Variants in AQP11 observed in about 807,000 individuals in gnomAD.
AQP11 encodes the protein aquaporin-11.
AQP11 carries 20 observed loss-of-function variants against 21.1 expected under a neutral mutation model. That is an observed-to-expected ratio of 0.95 (90% confidence interval 0.67 to 1.38). The LOEUF (loss-of-function observed/expected upper bound fraction) is 1.38, where lower values mean the gene tolerates loss of function less well. Among genes scored for constraint, AQP11 ranks in the 40% most tolerant of loss-of-function variants. AQP11 has a pLI of 0.00. For synonymous variants in AQP11, 167 were observed against 150.1 expected, an observed-to-expected ratio of 1.11 and a Z score of -0.82; for missense variants, 339 against 340.4, an observed-to-expected ratio of 1.00 and a Z score of 0.03.
At chr11:77,598,281 T>G (rs1211291434) in intron 1 of AQP11, among the ~76,000 whole-genome samples, 1 of 152,226 alleles carries the variant, frequency 6.6e-6, no homozygotes, top group Non-Finnish European at 1.5e-5. Flanking sequence ...TTATTCCCTT[T>G]AGGAATATTG....
At chr11:77,603,067 T>G (rs1178304275) in intron 1 of AQP11, among the ~76,000 whole-genome samples, 2 of 152,212 alleles carry the variant, frequency 1.3e-5, no homozygotes, top group Non-Finnish European at 2.9e-5. Flanking sequence ...AGTCCCTTCT[T>G]AAGGGCTCTG....
intron 2 of AQP11, 22 bp downstream of exon 2, chr11:77,603,694 A>G (rs1192501412): frequency 6.0e-6 from 9 of 1,501,892 alleles, no homozygotes; most frequent in Non-Finnish European, 8.2e-6. Flanking sequence ...TTTATTTAAT[A>G]TGTCTGAAAG....
Position 77,606,911 on chromosome 11 carries a change from G to A in AQP11, c.737-2387G>A, listed in dbSNP as rs73500762. On this transcript the variant is annotated intron_variant, in intron 2 of 2. Transcript: ENST00000313578. ...TACTTGGCTGAGATCAAACATTTTC[G>A]AATTCATATGATACTTTTTATATTT... Among the ~76,000 whole-genome samples, 865 of 152,162 alleles carry A rather than the reference G, an allele frequency of 5.7e-3. 9 individuals carry two copies. Among genetic ancestry groups the A allele is most frequent in the African/African-American group, 0.02 (814 of 41,530 alleles).
chr11:77,605,487 T>G (rs1414393264), intron 2 of AQP11, among the ~76,000 whole-genome samples: 1 of 152,126 alleles, frequency 6.6e-6, no homozygotes, highest in African/African-American at 2.4e-5. Context: ...GCAATCAAGC[T>G]TACAAAGCTC....
chr11:77,592,248 T>C (rs1958753132), intron 1 of AQP11, among the ~76,000 whole-genome samples: 1 of 151,360 alleles, frequency 6.6e-6, no homozygotes, highest in Non-Finnish European at 1.5e-5. Flanking sequence ...GCCTGGGTTA[T>C]AGAGACCCTG....
At position 77,590,603 on chromosome 11, in the gene AQP11, TC is replaced by T. The variant is rs768294276; in HGVS notation, c.612del (p.Tyr205MetfsTer6). 6.2e-7 allele frequency: 1 copy of T among 1,613,128 alleles called. No homozygotes were observed. Among genetic ancestry groups the T allele is most frequent in the Non-Finnish European group, 8.5e-7 (1 of 1,179,600 alleles). On this transcript the variant is annotated frameshift_variant, in exon 1 of 3. Transcript: ENST00000313578. LOFTEE classifies it high-confidence loss of function. ...HLLAALITFL[V>X]YAGGSLTGAV... The stretch of plus-strand genomic sequence containing the variant: ...CTGGCTGCACTCATCACCTTTTTGG[TC>T]TATGCAGGTTTGTCATTCTCACCAA...
chr11:77,593,149 G>A (rs1441800691), intron 1 of AQP11, among the ~76,000 whole-genome samples: 1 of 152,218 alleles, frequency 6.6e-6, no homozygotes. Context: ...GACAGTGCTA[G>A]AGTCTGTTTG....
intron 2 of AQP11, among the ~76,000 whole-genome samples, chr11:77,604,682 A>C (rs1958833888): frequency 6.6e-6 from 1 of 151,796 alleles, no homozygotes. Context: ...ATCACACTTT[A>C]CTCTTCCTGT....
Position 77,590,191 on chromosome 11 carries a change from C to T in AQP11, c.199C>T (p.Leu67=). The change falls in exon 1 of 3, where the codon CTG becomes TTG. Residue 67 remains leucine (L), a synonymous_variant. Coordinates refer to ENST00000313578, the MANE Select transcript of AQP11 (RefSeq NM_173039.3). ...CTGCTGCACCCACGAGCTGCAACTG[C>T]TGAGCGAACAGCACCCCGCGCACCC... ...LCCCTHELQL[L]SEQHPAHPTW... is the part of the protein sequence containing the mutation. 6.3e-7 allele frequency: 1 copy of T among 1,599,184 alleles called. No homozygotes were observed. Among genetic ancestry groups the T allele is most frequent in the Non-Finnish European group, 8.5e-7 (1 of 1,174,184 alleles).
At chr11:77,595,280 G>A (rs1159570193) in intron 1 of AQP11, among the ~76,000 whole-genome samples, 1 of 152,154 alleles carries the variant, frequency 6.6e-6, no homozygotes, top group Admixed American at 6.5e-5. Context: ...GGCAGAGGTT[G>A]CAGTGAGCTG....
chr11:77,591,264 G>A, intron 1 of AQP11: 2 of 976,592 alleles, frequency 2.0e-6, no homozygotes, highest in Non-Finnish European at 2.4e-6. Flanking sequence ...TATAACTCTT[G>A]AGAAATCTGT....
intron 1 of AQP11, among the ~76,000 whole-genome samples, chr11:77,597,202 A>G (rs1273694551): frequency 6.6e-6 from 1 of 152,192 alleles, no homozygotes; most frequent in Non-Finnish European, 1.5e-5. Context: ...AGATTTTGGT[A>G]CAAATCCCTA....
intron 1 of AQP11, among the ~76,000 whole-genome samples, chr11:77,593,354 G>A (rs189594259): frequency 1.4e-3 from 209 of 152,310 alleles, no homozygotes; most frequent in Non-Finnish European, 2.4e-3. Flanking sequence ...ACAACCCATC[G>A]GCCGGGCGCG....
At chr11:77,605,179 C>T (rs563757326) in intron 2 of AQP11, among the ~76,000 whole-genome samples, 3 of 152,118 alleles carry the variant, frequency 2.0e-5, no homozygotes, top group African/African-American at 7.2e-5. Context: ...GGCGACAGAG[C>T]GAGACTCCAT....
chr11:77,605,527 G>C (rs1329955655), intron 2 of AQP11, among the ~76,000 whole-genome samples: 3 of 152,096 alleles, frequency 2.0e-5, no homozygotes, highest in Non-Finnish European at 4.4e-5. Flanking sequence ...GGTGGCATTA[G>C]ATTCTCATAG....
chr11:77,597,034 ATTAT>A (rs1238199756), intron 1 of AQP11, among the ~76,000 whole-genome samples: 1 of 152,116 alleles, frequency 6.6e-6, no homozygotes, highest in Non-Finnish European at 1.5e-5. Flanking sequence ...ATTTATTATT[ATTAT>A]TTCCCTCTAT....
chr11:77,604,266 C>T (rs554156932), intron 2 of AQP11, among the ~76,000 whole-genome samples: 7 of 152,102 alleles, frequency 4.6e-5, no homozygotes, highest in Non-Finnish European at 1.0e-4. Context: ...CAGGCATGTG[C>T]CACCACACCC....
rs751769523 is a variant in AQP11 at position 77,590,299 on chromosome 11, G to A, written c.307G>A (p.Val103Met). ...GGGCACGTCCAGCAACCCGTGCGGC[G>A]TGATGATGCAGATGATGCTGGGGGG... is the stretch of plus-strand genomic sequence containing the variant. ...LVGTSSNPCG[V>M]MMQMMLGGMS... Residue 103 changes from valine (V) to methionine (M), a missense_variant, in exon 1 of 3, where the codon GTG becomes ATG. By Grantham distance (21) the Val-to-Met change is conservative. Transcript: ENST00000313578. The A allele has an allele frequency of 3.1e-6, 5 of 1,606,606 alleles. No individual in the cohort carries two copies. The highest frequency in any genetic ancestry group is 2.6e-6 in the Non-Finnish European group (3 of 1,175,068).
intron 1 of AQP11, chr11:77,591,021 G>C (rs1017326330): frequency 6.3e-5 from 62 of 985,276 alleles, no homozygotes; most frequent in Non-Finnish European, 7.5e-5. Flanking sequence ...TCGATTTAAA[G>C]CACAAGGCAC....
Sources: gnomAD v4.1 joint callset for allele counts (sites outside exome capture counted in the v4.1 genomes callset) on GRCh38, gnomAD v4.1.1 for gene constraint, MANE v1.5 for transcripts, NCBI Gene and HGNC (gene_info 2026-07-23, HGNC 2026-07-21) for gene names.